The following KMT2A variants were observed in gnomAD, a reference collection of about 807,000 sequenced individuals.
KMT2A encodes lysine methyltransferase 2A.
KMT2A carries 16 observed loss-of-function variants against 345.3 expected under a neutral mutation model. The observed-to-expected ratio is 0.05, with a 90% CI of 0.03 to 0.07. The LOEUF (loss-of-function observed/expected upper bound fraction) is 0.07, where lower values mean the gene tolerates loss of function less well. Ranked by LOEUF, KMT2A falls within the 10% of genes least tolerant of loss-of-function variation. The pLI, the probability that KMT2A is intolerant of heterozygous loss-of-function variation, is 1.00. For missense variants in KMT2A, 3,272 were observed against 4,841.6 expected (o/e 0.68, Z 9.62); for synonymous variants, 1,599 against 1,778.6 (o/e 0.90, Z 2.54).
chr11:118,517,395 CAAAAAAAAAA>C (rs11436622), intron 31 of KMT2A, among the ~76,000 whole-genome samples: 2 of 113,914 alleles, frequency 1.8e-5, no homozygotes, highest in South Asian at 3.3e-4. Flanking sequence ...GACTCTGTCT[CAAAAAAAAAA>C]AAAAAAAGAA....
intron 1 of KMT2A, among the ~76,000 whole-genome samples, 193 bp downstream of exon 1, chr11:118,437,137 G>A (rs1189295671): frequency 6.7e-6 from 1 of 149,462 alleles, no homozygotes; most frequent in Non-Finnish European, 1.5e-5. Context: ...CCCGGGGTTT[G>A]GGCCCATCTG....
At position 118,471,880 on chromosome 11, in the gene KMT2A, A is replaced by T; in HGVS notation, c.721A>T (p.Ile241Phe). 2 of 1,613,402 alleles carry T rather than the reference A, an allele frequency of 1.2e-6. No homozygotes were observed. The highest frequency in any genetic ancestry group is 1.7e-6 in the Non-Finnish European group (2 of 1,179,800). ...VKIKITHGKD[I>F]SELPKGNKED... ...AATCAAAATAACACATGGAAAGGAC[A>T]TTTCAGAGTTACCAAAGGGAAACAA... The change falls in exon 3 of 36, where the codon ATT (isoleucine) becomes TTT (phenylalanine). Residue 241 changes from isoleucine to phenylalanine, a missense_variant. Ile to Phe is a conservative substitution (Grantham distance 21, BLOSUM62 0). Coordinates refer to ENST00000534358, the MANE Select transcript of KMT2A (RefSeq NM_001197104.2).
intron 1 of KMT2A, among the ~76,000 whole-genome samples, chr11:118,467,220 T>C (rs1258880727): frequency 6.6e-6 from 1 of 151,794 alleles, no homozygotes; most frequent in Admixed American, 6.6e-5. Flanking sequence ...CTACTAAAAA[T>C]ACAAAAATGA....
In KMT2A at chr11:118,496,911, C is replaced by T. The variant is rs1950417874; in HGVS notation, c.5664+544C>T. ...TTAAATGAAATAATGTATGTAAAGC[C>T]TCTATTTGGTGCCTGGCACACACAG... On this transcript the variant is annotated intron_variant, in intron 20 of 35. Coordinates refer to ENST00000534358, the MANE Select transcript of KMT2A (RefSeq NM_001197104.2). The surrounding 1 kb of genome is among the most constrained non-coding windows in gnomAD (Gnocchi z 4.7). Among the ~76,000 whole-genome samples the T allele has an allele frequency of 1.3e-5, 2 of 152,154 alleles. No homozygotes were observed. Among genetic ancestry groups the T allele is most frequent in the African/African-American group, 2.4e-5 (1 of 41,444 alleles).
chr11:118,520,385 G>A lies in KMT2A; in HGVS notation c.11429+321G>A. 2.9e-6 allele frequency: 1 copy of A among 345,780 alleles called. No individual in the cohort carries two copies. The highest frequency in any genetic ancestry group is 5.2e-6 in the Non-Finnish European group (1 of 190,496). 21.4% of individuals were successfully genotyped at this position (345,780 alleles called of 1,614,324 possible). A position where few individuals can be genotyped will look rare whatever the true frequency, so the allele number is the denominator to read the frequency against. ...TGGGACTCATTGGCCAGGCACAGTG[G>A]CTCATGCCTGTAATTCCAGCACTTT... On this transcript the variant is annotated intron_variant, in intron 33 of 35. Coordinates refer to ENST00000534358, the MANE Select transcript of KMT2A (RefSeq NM_001197104.2). The surrounding 1 kb of genome is among the most constrained non-coding windows in gnomAD (Gnocchi z 4.3).
chr11:118,494,588 G>A lies in KMT2A; in HGVS notation c.5290-106G>A. On this transcript the variant is annotated intron_variant, in intron 17 of 35. Transcript: ENST00000534358. The surrounding 1 kb of genome is among the most constrained non-coding windows in gnomAD (Gnocchi z 5.8). ...AGAGTGGATGGATCTTTCTCTTGGT[G>A]GCCTGAAATTATCCTCGTATTAACA... The A allele has an allele frequency of 9.7e-7, 1 of 1,028,512 alleles. No homozygotes were observed. The highest frequency in any genetic ancestry group is 2.3e-5 in the Admixed American group (1 of 43,914). 63.7% of individuals were successfully genotyped at this position (1,028,512 alleles called of 1,614,324 possible).
chr11:118,520,680 A>C lies in KMT2A; in HGVS notation c.11430-122A>C, dbSNP rs1210251520. 1 of 696,886 alleles carries C rather than the reference A, an allele frequency of 1.4e-6. No individual in the cohort carries two copies. The highest frequency in any genetic ancestry group is 2.5e-6 in the Non-Finnish European group (1 of 401,598). The allele number at this position is 696,886 out of a possible 1,614,324, so 43.2% of individuals were successfully genotyped here. On this transcript the variant is annotated intron_variant, in intron 33 of 35. Transcript: ENST00000534358. This position sits in a 1 kb window ranked among gnomAD's most constrained non-coding sequence, Gnocchi z 4.3. ...AAAAAAGGGGGGCGCTCATTTTATA[A>C]GGCACTCGTTCAGTTTGGCATTAAA...
intron 4 of KMT2A, among the ~76,000 whole-genome samples, chr11:118,477,498 C>CTTTTTTTTTGTTTTTTTTTTTTTTT (rs1950058706): frequency 1.8e-5 from 1 of 56,926 alleles, no homozygotes; most frequent in African/African-American, 7.7e-5. Flanking sequence ...AAGTTATTGG[C>CTTTTTTTTTGTTTTTTTTTTTTTTT]TTTTTTTTTT....
chr11:118,441,937 C>T (rs1380878883), intron 1 of KMT2A, among the ~76,000 whole-genome samples: 2 of 152,200 alleles, frequency 1.3e-5, no homozygotes, highest in African/African-American at 4.8e-5. Flanking sequence ...GCTGTGCAGA[C>T]TCTATACCAA....
intron 31 of KMT2A, among the ~76,000 whole-genome samples, chr11:118,513,287 G>A (rs957404657): frequency 7.9e-5 from 12 of 151,926 alleles, no homozygotes; most frequent in African/African-American, 2.7e-4. Flanking sequence ...ATTAAGCTAA[G>A]GTAGAAACCT....
rs980960817 is a variant in KMT2A, at chr11:118,525,367, A to T, written c.*3195A>T. Reference sequence around the variant, plus strand: ...ACAACTGTGTAACCAGAATAGCTGCATGGCGCTGACCCTTTGGCCGGAACT... The same window carrying T: ...ACAACTGTGTAACCAGAATAGCTGCTTGGCGCTGACCCTTTGGCCGGAACT... On this transcript the variant is annotated 3_prime_UTR_variant, in exon 36 of 36. Transcript: ENST00000534358. 51 of 227,380 alleles carry T rather than the reference A, an allele frequency of 2.2e-4. 1 individual carries two copies. In the Admixed American group the frequency reaches 2.8e-3, roughly 13 times the overall value. The allele number at this position is 227,380 out of a possible 1,614,324, so 14.1% of individuals were successfully genotyped here.
intron 1 of KMT2A, among the ~76,000 whole-genome samples, chr11:118,461,035 T>C (rs868980214): frequency 8.5e-5 from 13 of 152,228 alleles, no homozygotes; most frequent in Non-Finnish European, 4.4e-5. Context: ...AAAGTTGTCT[T>C]AGTAGTACAT....
intron 30 of KMT2A, 116 bp from the exon 31 acceptor site, chr11:118,511,835 G>T: frequency 1.2e-6 from 1 of 811,658 alleles, no homozygotes; most frequent in South Asian, 1.4e-5. Context: ...CACTGCTCTA[G>T]GAGGGCAAGT....
At position 118,493,036 on chromosome 11, in the gene KMT2A, A is replaced by G; in HGVS notation, c.5005-21A>G. The G allele has an allele frequency of 3.7e-6, 6 of 1,607,296 alleles. No homozygotes were observed. In the South Asian group the frequency reaches 6.7e-5, roughly 18 times the overall value. On this transcript the variant is annotated intron_variant, in intron 15 of 35. Transcript: ENST00000534358. The surrounding 1 kb of genome is among the most constrained non-coding windows in gnomAD (Gnocchi z 5.8). ...TTGGTTTTAGTGTTAGATAAAAGCA[A>G]CATATCTTTCCTGGCAATAGGCTGC...
chr11:118,524,268 A>T lies in KMT2A; in HGVS notation c.*2096A>T. On this transcript the variant is annotated 3_prime_UTR_variant, in exon 36 of 36. Coordinates refer to ENST00000534358, the MANE Select transcript of KMT2A (RefSeq NM_001197104.2). ...TGCCTCTGCCACAAGGTTTCAGAGTAGTGTAGTCCAAGTAGAGGGTGGGGC... is the reference window on the plus strand; with the variant it reads ...TGCCTCTGCCACAAGGTTTCAGAGTTGTGTAGTCCAAGTAGAGGGTGGGGC... 5.4e-6 allele frequency: 1 copy of T among 184,632 alleles called. No homozygotes were observed. The highest frequency in any genetic ancestry group is 1.2e-5 in the Non-Finnish European group (1 of 86,710). The allele number at this position is 184,632 out of a possible 1,614,324, so 11.4% of individuals were successfully genotyped here.
chr11:118,506,371 T>A lies in KMT2A; in HGVS notation c.10479T>A (p.Pro3493=). Residue 3493 remains proline, a synonymous_variant, in exon 27 of 36, where the codon CCT becomes CCA. Transcript: ENST00000534358. Reference sequence around the variant, plus strand: ...ACTTTACCCAGACGGTAGACGCTCCTAATAGCATGGGACTGGAGCAGAACA... The same window carrying A: ...ACTTTACCCAGACGGTAGACGCTCCAAATAGCATGGGACTGGAGCAGAACA... ...VSNFTQTVDA[P]NSMGLEQNKA... 3 of 1,614,180 alleles carry A rather than the reference T, an allele frequency of 1.9e-6. No individual in the cohort carries two copies. The highest frequency in any genetic ancestry group is 2.5e-6 in the Non-Finnish European group (3 of 1,180,034).
At chr11:118,517,723 TC>T (rs1950853097) in intron 31 of KMT2A, among the ~76,000 whole-genome samples, 1 of 152,064 alleles carries the variant, frequency 6.6e-6, no homozygotes. Context: ...ATGCCTGTAG[TC>T]CCAGCTACCT....
intron 6 of KMT2A, among the ~76,000 whole-genome samples, chr11:118,480,473 C>T (rs1214292764): frequency 6.6e-6 from 1 of 151,946 alleles, no homozygotes; most frequent in Non-Finnish European, 1.5e-5. Flanking sequence ...AATCATAGTT[C>T]ATTATATTTC....
At position 118,498,600 on chromosome 11, in the gene KMT2A, A is replaced by G. The variant is rs116840060; in HGVS notation, c.5961+72A>G. Reference sequence around the variant, plus strand: ...AGAGCAGTTTTAGGTTCACAGCAAAATTGACTGGAAGGTACAGAGATTTCC... The same window carrying G: ...AGAGCAGTTTTAGGTTCACAGCAAAGTTGACTGGAAGGTACAGAGATTTCC... On this transcript the variant is annotated intron_variant, in intron 22 of 35. Transcript: ENST00000534358. This position sits in a 1 kb window ranked among gnomAD's most constrained non-coding sequence, Gnocchi z 4.4. 9.0e-4 allele frequency: 1,323 copies of G among 1,463,434 alleles called. 8 individuals are homozygous for G. The African/African-American group carries it at 0.017, about 19-fold the overall frequency. 90.7% of individuals were successfully genotyped at this position (1,463,434 alleles called of 1,614,324 possible).
Sources: allele counts gnomAD v4.1 joint callset (sites outside exome capture counted in the v4.1 genomes callset), GRCh38; gene constraint gnomAD v4.1.1; non-coding constraint Gnocchi (gnomAD v3.1); transcripts MANE v1.5; gene names NCBI Gene and HGNC (gene_info 2026-07-23, HGNC 2026-07-21).